BACH2: variants seen among roughly 807,000 people sequenced by gnomAD.
BACH2 encodes the protein transcription regulator protein BACH2.
In BACH2, 5 loss-of-function variants were observed where a neutral mutation model predicts 61.8. The observed-to-expected ratio is 0.08, with a 90% confidence interval of 0.04 to 0.17. The LOEUF is 0.17. Ranked by LOEUF, BACH2 falls within the 10% of genes least tolerant of loss-of-function variation. The pLI is 1.00. For missense variants in BACH2, 824 were observed against 1,091.1 expected (o/e 0.76, Z 3.45); for synonymous variants, 446 against 440.1 (o/e 1.01, Z -0.17).
intron 4 of BACH2, among the ~76,000 whole-genome samples, chr6:90,191,573 T>G (rs1157127798): frequency 1.3e-5 from 2 of 152,184 alleles, no homozygotes; most frequent in Non-Finnish European, 2.9e-5. Context: ...GTGCATGGAT[T>G]TTGGAGTCAC....
At chr6:89,948,456 C>T (rs1441628978) in intron 7 of BACH2, among the ~76,000 whole-genome samples, 1 of 152,156 alleles carries the variant, frequency 6.6e-6, no homozygotes, top group Non-Finnish European at 1.5e-5. Flanking sequence ...GATCCACCCA[C>T]CTCGGCCTCC....
chr6:90,141,675 T>C (rs1218725940), intron 4 of BACH2, among the ~76,000 whole-genome samples: 1 of 152,166 alleles, frequency 6.6e-6, no homozygotes, highest in Admixed American at 6.5e-5. Flanking sequence ...GATAAAATAA[T>C]CATCTTCTTA....
intron 5 of BACH2, among the ~76,000 whole-genome samples, chr6:90,078,017 T>C (rs1394353493): frequency 6.6e-6 from 1 of 152,188 alleles, no homozygotes; most frequent in Non-Finnish European, 1.5e-5. Context: ...TACATTGTAT[T>C]AAACAGAAAA....
intron 4 of BACH2, among the ~76,000 whole-genome samples, chr6:90,126,333 T>C (rs1185842507): frequency 6.6e-6 from 1 of 152,298 alleles, no homozygotes; most frequent in Middle Eastern, 3.4e-3. Flanking sequence ...ATCTCAAAAA[T>C]GTGGGTCAGA....
chr6:90,192,764 G>C (rs1226020492), intron 4 of BACH2, among the ~76,000 whole-genome samples: 1 of 152,192 alleles, frequency 6.6e-6, no homozygotes, highest in Non-Finnish European at 1.5e-5. Context: ...ATTCCCTTGA[G>C]AATATATTAG....
At chr6:89,958,305 G>A (rs906538127) in intron 6 of BACH2, among the ~76,000 whole-genome samples, 7 of 152,134 alleles carry the variant, frequency 4.6e-5, no homozygotes, top group African/African-American at 1.2e-4. Flanking sequence ...ATTCTCCAAC[G>A]ATGTGCTAGG....
intron 3 of BACH2, among the ~76,000 whole-genome samples, chr6:90,208,224 A>C (rs1769217761): frequency 6.6e-6 from 1 of 152,236 alleles, no homozygotes; most frequent in South Asian, 2.1e-4. Context: ...ATTAAACTAA[A>C]GAGCTTCTGC....
At chr6:90,228,981 C>T (rs1006264125) in intron 3 of BACH2, among the ~76,000 whole-genome samples, 13 of 152,140 alleles carry the variant, frequency 8.5e-5, no homozygotes, top group Non-Finnish European at 1.6e-4. Flanking sequence ...CCAGCTGAAA[C>T]GCAAGAGACA....
At chr6:90,184,541 C>A (rs1002741764) in intron 4 of BACH2, among the ~76,000 whole-genome samples, 1 of 152,182 alleles carries the variant, frequency 6.6e-6, no homozygotes, top group Non-Finnish European at 1.5e-5. Flanking sequence ...TGATGCTCCA[C>A]AAGAAACAGA....
intron 5 of BACH2, among the ~76,000 whole-genome samples, chr6:90,086,202 T>C (rs1194935725): frequency 2.0e-5 from 3 of 152,220 alleles, no homozygotes; most frequent in Non-Finnish European, 4.4e-5. Flanking sequence ...TATGTATTAA[T>C]ATACACCACA....
At chr6:89,944,681 T>C (rs569947945) in intron 7 of BACH2, among the ~76,000 whole-genome samples, 1 of 150,758 alleles carries the variant, frequency 6.6e-6, no homozygotes, top group South Asian at 2.1e-4. Flanking sequence ...TCTCTTCCCT[T>C]CTCTCTCTCT....
At position 89,981,299 on chromosome 6, in the gene BACH2, T is replaced by A. The variant is rs376638159; in HGVS notation, c.243+27303A>T. On this transcript the variant is annotated intron_variant, in intron 6 of 8. Coordinates refer to ENST00000257749, the MANE Select transcript of BACH2 (RefSeq NM_021813.4). ...GGTGCCCGCCACCATGCCTGGCTAA[T>A]TTTTTTTTTCTTTTTGTATTTTTAC... is the stretch of plus-strand genomic sequence containing the variant. 4.2e-3 allele frequency among the ~76,000 whole-genome samples: 522 copies of A among 125,180 alleles called. 1 individual carries two copies. Among genetic ancestry groups the A allele is most frequent in the African/African-American group, 0.017 (511 of 30,340 alleles). 82.1% of individuals were successfully genotyped at this position (125,180 alleles called of 152,430 possible).
At chr6:90,157,098 A>G (rs954118351) in intron 4 of BACH2, among the ~76,000 whole-genome samples, 1 of 152,228 alleles carries the variant, frequency 6.6e-6, no homozygotes, top group Non-Finnish European at 1.5e-5. Flanking sequence ...CTGACTCTCA[A>G]CCTCCTTAGA....
intron 5 of BACH2, among the ~76,000 whole-genome samples, chr6:90,055,535 T>C (rs1052228367): frequency 5.3e-5 from 8 of 152,062 alleles, no homozygotes; most frequent in East Asian, 1.9e-4. Context: ...TGGAACCAAG[T>C]TGGAAAACAC....
intron 4 of BACH2, chr6:90,116,626 A>G (rs1312183268): frequency 4.0e-6 from 1 of 252,574 alleles, no homozygotes; most frequent in Non-Finnish European, 8.3e-6. Context: ...AATTAAAAAA[A>G]GAGAATCATA....
intron 6 of BACH2, among the ~76,000 whole-genome samples, chr6:89,984,406 TTC>T: frequency 6.6e-6 from 1 of 152,010 alleles, no homozygotes; most frequent in Admixed American, 6.6e-5. Context: ...TAGAATGTCA[TTC>T]TCTACCCTCA....
chr6:90,154,014 C>T (rs1784909122), intron 4 of BACH2, among the ~76,000 whole-genome samples: 1 of 152,108 alleles, frequency 6.6e-6, no homozygotes, highest in Admixed American at 6.5e-5. Context: ...CTAAAACATC[C>T]ACACCCTAAA....
intron 4 of BACH2, among the ~76,000 whole-genome samples, chr6:90,102,121 A>C (rs1184883521): frequency 6.6e-6 from 1 of 152,104 alleles, no homozygotes; most frequent in Non-Finnish European, 1.5e-5. Flanking sequence ...CTGGCACAAA[A>C]ACCCATGACT....
intron 5 of BACH2, among the ~76,000 whole-genome samples, chr6:90,054,984 A>G (rs953672241): frequency 6.6e-6 from 1 of 152,236 alleles, no homozygotes; most frequent in Non-Finnish European, 1.5e-5. Context: ...AGTCACCATC[A>G]TTAAAGACCA....
Sources: gnomAD v4.1 joint callset for allele counts (sites outside exome capture counted in the v4.1 genomes callset) on GRCh38, gnomAD v4.1.1 for gene constraint, MANE v1.5 for transcripts, NCBI Gene and HGNC (gene_info 2026-07-23, HGNC 2026-07-21) for gene names.